SPI1: variants seen among roughly 807,000 people sequenced by gnomAD.
SPI1 encodes the protein transcription factor PU.1.
In SPI1, 3 loss-of-function variants were observed where a neutral mutation model predicts 30.7. That is an observed-to-expected ratio of 0.10 (90% CI 0.04 to 0.25). The LOEUF (loss-of-function observed/expected upper bound fraction) is 0.25. Among genes scored for constraint, SPI1 ranks in the 10% least tolerant of loss-of-function variants. The probability of loss-of-function intolerance (pLI) is 1.00; values close to 1 mark genes in which losing one functional copy is unlikely to be tolerated. For missense variants in SPI1, 261 were observed against 371.5 expected, an observed-to-expected ratio of 0.70 and a Z score of 2.45; for synonymous variants, 169 against 157.1, an observed-to-expected ratio of 1.08 and a Z score of -0.56.
At chr11:47,362,449 C>A (rs978915850) in intron 2 of SPI1, among the ~76,000 whole-genome samples, 1 of 151,956 alleles carries the variant, frequency 6.6e-6, no homozygotes, top group African/African-American at 2.4e-5. Flanking sequence ...GCACACACTT[C>A]TAGTCCCAGC....
At chr11:47,370,786 T>C (rs1416017771) in intron 2 of SPI1, among the ~76,000 whole-genome samples, 1 of 152,160 alleles carries the variant, frequency 6.6e-6, no homozygotes, top group Non-Finnish European at 1.5e-5. Flanking sequence ...CTGTGAGTAA[T>C]AGCCACATGG....
chr11:47,368,513 A>T (rs2142892750), intron 2 of SPI1, among the ~76,000 whole-genome samples: 1 of 152,376 alleles, frequency 6.6e-6, no homozygotes, highest in African/African-American at 2.4e-5. Context: ...TAAGTGTCGG[A>T]CGGCTGGATA....
chr11:47,376,341 C>T (rs2095942256), intron 1 of SPI1, among the ~76,000 whole-genome samples: 1 of 152,104 alleles, frequency 6.6e-6, no homozygotes, highest in East Asian at 1.9e-4. Context: ...CACCTGCACA[C>T]TCAACCGCAC....
At chr11:47,358,311 T>G in intron 4 of SPI1, 1 of 531,066 alleles carries the variant, frequency 1.9e-6, no homozygotes, top group Non-Finnish European at 3.4e-6. Context: ...ACATGCCTGC[T>G]TACAGCCACT....
At position 47,359,816 on chromosome 11, in the gene SPI1, C is replaced by T; in HGVS notation, c.330+37G>A. 5 of 1,594,010 alleles carry T rather than the reference C, an allele frequency of 3.1e-6. No homozygotes were observed. Among genetic ancestry groups the T allele is most frequent in the Non-Finnish European group, 3.4e-6 (4 of 1,175,436 alleles). On this transcript the variant is annotated intron_variant, in intron 3 of 4. Coordinates refer to ENST00000378538, the MANE Select transcript of SPI1 (RefSeq NM_003120.3). This position sits in a 1 kb window ranked among gnomAD's most constrained non-coding sequence, Gnocchi z 5.1. ...CTCCCGGGCCCCACCACAGGCCTGG[C>T]AGTCTCCTGGGGGACGGGGCAGGCG...
In SPI1 at chr11:47,359,975, AGTT is replaced by A; in HGVS notation, c.205_207del (p.Asn69del). On this transcript the variant is annotated inframe_deletion, in exon 3 of 5. Transcript: ENST00000378538. The surrounding 1 kb of genome is among the most constrained non-coding windows in gnomAD (Gnocchi z 5.1). ...GGCTGCACGCTCTGGAGCTCCGTGA[AGTT>A]GTTCTCGGCGAAGCTCTCGAACTCG... 4 of 1,608,978 alleles carry A rather than the reference AGTT, an allele frequency of 2.5e-6. No homozygotes were observed. The highest frequency in any genetic ancestry group is 2.5e-6 in the Non-Finnish European group (3 of 1,177,470).
In SPI1 at chr11:47,374,365, G is replaced by C. The variant is rs146979382; in HGVS notation, c.142+1268C>G. Among the ~76,000 whole-genome samples the C allele has an allele frequency of 9.2e-5, 14 of 152,286 alleles. No individual in the cohort carries two copies. Among genetic ancestry groups the C allele is most frequent in the African/African-American group, 3.4e-4 (14 of 41,542 alleles). On this transcript the variant is annotated intron_variant, in intron 2 of 4. Transcript: ENST00000378538. The surrounding 1 kb of genome is among the most constrained non-coding windows in gnomAD (Gnocchi z 4.5). The stretch of plus-strand genomic sequence containing the variant: ...GAAAGATTCTAAAAGATGCCTGTGC[G>C]TTCCCAGCTGTGGCCTGGAGGCATA...
chr11:47,377,027 C>T (rs2095943334), intron 1 of SPI1, among the ~76,000 whole-genome samples: 1 of 152,216 alleles, frequency 6.6e-6, no homozygotes, highest in Admixed American at 6.5e-5. Flanking sequence ...CAACCTCCGT[C>T]ACCCTCTGCC....
chr11:47,364,787 C>A (rs560718906), intron 2 of SPI1, among the ~76,000 whole-genome samples: 1 of 152,288 alleles, frequency 6.6e-6, no homozygotes, highest in African/African-American at 2.4e-5. Context: ...CATCATCCAT[C>A]ACTTGGAGAG....
rs554082654 is a variant in SPI1, at chr11:47,355,677, C to T, written c.494-131G>A. On this transcript the variant is annotated intron_variant, in intron 4 of 4. Coordinates refer to ENST00000378538, the MANE Select transcript of SPI1 (RefSeq NM_003120.3). ...GCAGGGGAACGGCTGCCCCAGCCCG[C>T]GCCGGGCGTGCATACACAACGCACC... The T allele has an allele frequency of 2.4e-4, 175 of 723,894 alleles. No individual in the cohort carries two copies. In the East Asian group the frequency reaches 3.8e-3, roughly 16 times the overall value. The allele number at this position is 723,894 out of a possible 1,614,324, so 44.8% of individuals were successfully genotyped here.
chr11:47,364,735 C>G (rs540508680), intron 2 of SPI1, among the ~76,000 whole-genome samples: 20 of 152,220 alleles, frequency 1.3e-4, no homozygotes, highest in Non-Finnish European at 2.4e-4. Context: ...TGTGGTGGTC[C>G]CAGCCTGAGG....
In SPI1 at chr11:47,375,415, T is replaced by C. The variant is rs1292306598; in HGVS notation, c.142+218A>G. On this transcript the variant is annotated intron_variant, in intron 2 of 4. Transcript: ENST00000378538. This position sits in a 1 kb window ranked among gnomAD's most constrained non-coding sequence, Gnocchi z 4.2. Reference sequence around the variant, plus strand: ...AACCAGCAGATAACCATGGAAGAAATGAACCCCGCACCTTGACACACTGCA... The same window carrying C: ...AACCAGCAGATAACCATGGAAGAAACGAACCCCGCACCTTGACACACTGCA... 6.6e-6 allele frequency among the ~76,000 whole-genome samples: 1 copy of C among 152,158 alleles called. No homozygotes were observed. The highest frequency in any genetic ancestry group is 1.5e-5 in the Non-Finnish European group (1 of 68,036).
intron 2 of SPI1, among the ~76,000 whole-genome samples, chr11:47,365,367 G>C (rs1042392178): frequency 6.6e-6 from 1 of 152,080 alleles, no homozygotes; most frequent in Non-Finnish European, 1.5e-5. Context: ...GATCTCAATC[G>C]CTATTTGATT....
At position 47,375,268 on chromosome 11, in the gene SPI1, A is replaced by T. The variant is rs554953597; in HGVS notation, c.142+365T>A. On this transcript the variant is annotated intron_variant, in intron 2 of 4. Coordinates refer to ENST00000378538, the MANE Select transcript of SPI1 (RefSeq NM_003120.3). The surrounding 1 kb of genome is among the most constrained non-coding windows in gnomAD (Gnocchi z 4.2). ...AGGTGGGTAGTTAGGCAGGGGCAGAAAAAAAAGCACAGGACCTGGAGCGGA... is the reference window on the plus strand; with the variant it reads ...AGGTGGGTAGTTAGGCAGGGGCAGATAAAAAAGCACAGGACCTGGAGCGGA... Among the ~76,000 whole-genome samples the T allele has an allele frequency of 1.4e-3, 211 of 152,326 alleles. 4 individuals carry two copies. Among genetic ancestry groups the T allele is most frequent in the Middle Eastern group, 3.4e-3 (1 of 294 alleles).
At chr11:47,364,114 G>A (rs1348251945) in intron 2 of SPI1, among the ~76,000 whole-genome samples, 9 of 46,160 alleles carry the variant, frequency 1.9e-4, no homozygotes, top group African/African-American at 8.3e-4. Context: ...GCAGTGGCAC[G>A]ATCTTGGCTC....
In SPI1 at chr11:47,359,765, A is replaced by C; in HGVS notation, c.330+88T>G. On this transcript the variant is annotated intron_variant, in intron 3 of 4. Transcript: ENST00000378538. This position sits in a 1 kb window ranked among gnomAD's most constrained non-coding sequence, Gnocchi z 5.1. ...GTGGGGCAGGAAGCTGAGTTGGGTA[A>C]GAGCCTGTGTCAGCTTCCTGTGAAG... 2 of 1,452,316 alleles carry C rather than the reference A, an allele frequency of 1.4e-6. No homozygotes were observed. Among genetic ancestry groups the C allele is most frequent in the Non-Finnish European group, 1.9e-6 (2 of 1,061,256 alleles). The allele number at this position is 1,452,316 out of a possible 1,614,324, so 90.0% of individuals were successfully genotyped here. A position where few individuals can be genotyped will look rare whatever the true frequency, so the allele number is the denominator to read the frequency against.
chr11:47,376,532 ATCC>A (rs1478662210), intron 1 of SPI1, among the ~76,000 whole-genome samples: 4 of 150,522 alleles, frequency 2.7e-5, no homozygotes, highest in African/African-American at 7.3e-5. Context: ...AGTCCTCCCT[ATCC>A]TCCTCCTTCC....
Position 47,377,423 on chromosome 11 carries a change from T to C in SPI1, c.45+886A>G, listed in dbSNP as rs566429738. On this transcript the variant is annotated intron_variant, in intron 1 of 4. Coordinates refer to ENST00000378538, the MANE Select transcript of SPI1 (RefSeq NM_003120.3). ...GGTGGGAAAAGGGAGAAGGGTCCTT[T>C]CCGAGGGACCCTGGTCTGACACCTG... Among the ~76,000 whole-genome samples the C allele has an allele frequency of 5.3e-5, 8 of 152,134 alleles. No homozygotes were observed. The East Asian group carries it at 1.5e-3, about 29-fold the overall frequency.
intron 4 of SPI1, among the ~76,000 whole-genome samples, chr11:47,357,980 AC>A (rs1044620283): frequency 4.0e-5 from 6 of 148,998 alleles, no homozygotes; most frequent in African/African-American, 9.9e-5. Context: ...GCACGTCCTC[AC>A]CCCCCACACA....
Sources: allele counts gnomAD v4.1 joint callset (sites outside exome capture counted in the v4.1 genomes callset), GRCh38; gene constraint gnomAD v4.1.1; non-coding constraint Gnocchi (gnomAD v3.1); transcripts MANE v1.5; gene names NCBI Gene and HGNC (gene_info 2026-07-23, HGNC 2026-07-21).